Variants in RARB observed in about 807,000 individuals in gnomAD.
RARB encodes retinoic acid receptor beta.
RARB carries 17 observed loss-of-function variants against 51.9 expected under a neutral mutation model. That is an observed-to-expected ratio of 0.33 (90% CI 0.22 to 0.49). The LOEUF (loss-of-function observed/expected upper bound fraction) is 0.49, where lower values mean the gene tolerates loss of function less well. Ranked by LOEUF, RARB falls within the 20% of genes least tolerant of loss-of-function variation. The probability of loss-of-function intolerance (pLI) is 0.99; values close to 1 mark genes in which losing one functional copy is unlikely to be tolerated. For synonymous variants in RARB, 215 were observed against 195.4 expected (o/e 1.10, Z -0.84); for missense variants, 369 against 550.8 (o/e 0.67, Z 3.30).
chr3:25,171,485 T>TAA (rs10559921), intron 4 of RARB, among the ~76,000 whole-genome samples: 3 of 9,974 alleles, frequency 3.0e-4, no homozygotes, highest in African/African-American at 1.5e-3. Flanking sequence ...ATAAGCAGTT[T>TAA]AAAAAAAAAA....
chr3:24,859,334 C>T (rs1702697534), intron 2 of RARB, among the ~76,000 whole-genome samples: 1 of 152,030 alleles, frequency 6.6e-6, no homozygotes, highest in East Asian at 1.9e-4. Flanking sequence ...GGAATGGATT[C>T]AGGGGGTGGA....
chr3:24,870,129 C>T (rs777181576), intron 2 of RARB, among the ~76,000 whole-genome samples: 20 of 152,098 alleles, frequency 1.3e-4, no homozygotes, highest in Non-Finnish European at 2.6e-4. Flanking sequence ...ACTTGTGTTG[C>T]AAATATCTTC....
At chr3:25,398,414 A>T (rs1305372323) in intron 5 of RARB, among the ~76,000 whole-genome samples, 2 of 152,236 alleles carry the variant, frequency 1.3e-5, no homozygotes. Context: ...ATCAGCTTTC[A>T]CAAAGATAGA....
intron 2 of RARB, among the ~76,000 whole-genome samples, chr3:24,926,999 A>G (rs893726311): frequency 6.6e-6 from 1 of 152,138 alleles, no homozygotes; most frequent in African/African-American, 2.4e-5. Context: ...TAGAGTACAC[A>G]TAAGACTCTC....
chr3:24,931,372 A>G (rs1202841276), intron 2 of RARB, among the ~76,000 whole-genome samples: 5 of 151,936 alleles, frequency 3.3e-5, no homozygotes, highest in African/African-American at 4.8e-5. Context: ...ATTTGGCCCT[A>G]TTTCCTACCT....
chr3:25,189,634 C>T (rs1345318436), intron 5 of RARB, among the ~76,000 whole-genome samples: 2 of 152,120 alleles, frequency 1.3e-5, no homozygotes, highest in African/African-American at 4.8e-5. Flanking sequence ...TACCTGTAAT[C>T]CCAGCACTTT....
chr3:25,086,019 C>T (rs1053703054), intron 3 of RARB, among the ~76,000 whole-genome samples: 4 of 152,136 alleles, frequency 2.6e-5, no homozygotes, highest in African/African-American at 7.2e-5. Flanking sequence ...TTACATCTTA[C>T]GGCTTTGCCA....
intron 2 of RARB, among the ~76,000 whole-genome samples, chr3:24,860,958 A>C (rs79560263): frequency 1.3e-5 from 2 of 152,192 alleles, no homozygotes; most frequent in Non-Finnish European, 2.9e-5. Flanking sequence ...CTAGGTTCGT[A>C]TATTTTGTGA....
At chr3:25,144,889 C>T (rs1051015060) in intron 4 of RARB, among the ~76,000 whole-genome samples, 1 of 152,198 alleles carries the variant, frequency 6.6e-6, no homozygotes, top group East Asian at 1.9e-4. Context: ...ATGGCAGACT[C>T]TTGCCACCTT....
chr3:25,137,337 G>C (rs1700045120), intron 4 of RARB, among the ~76,000 whole-genome samples: 1 of 151,976 alleles, frequency 6.6e-6, no homozygotes, highest in Admixed American at 6.6e-5. Flanking sequence ...TCATTTCAAT[G>C]GTGAAATGCA....
At chr3:25,108,567 C>T (rs890231315) in intron 3 of RARB, among the ~76,000 whole-genome samples, 7 of 152,024 alleles carry the variant, frequency 4.6e-5, no homozygotes, top group African/African-American at 9.7e-5. Context: ...AGGACTCAGT[C>T]GCGTGGTCAC....
At chr3:25,407,722 G>T (rs913307465) in intron 5 of RARB, among the ~76,000 whole-genome samples, 10 of 150,010 alleles carry the variant, frequency 6.7e-5, no homozygotes, top group African/African-American at 2.5e-4. Flanking sequence ...GCCAAAGGCT[G>T]CTTACTGTGA....
chr3:25,577,206 G>A (rs775708157), intron 4 of RARB, among the ~76,000 whole-genome samples: 1 of 152,158 alleles, frequency 6.6e-6, no homozygotes, highest in Non-Finnish European at 1.5e-5. Context: ...CCTCCGGTTC[G>A]CCCGCGGGAT....
At chr3:25,093,217 A>C (rs1026655251) in intron 3 of RARB, among the ~76,000 whole-genome samples, 3 of 152,178 alleles carry the variant, frequency 2.0e-5, no homozygotes, top group Non-Finnish European at 4.4e-5. Context: ...GCATTATATA[A>C]AGCTGTCTGA....
At chr3:25,150,073 G>C (rs1465052429) in intron 4 of RARB, among the ~76,000 whole-genome samples, 2 of 151,828 alleles carry the variant, frequency 1.3e-5, no homozygotes, top group African/African-American at 4.8e-5. Context: ...ATGGTGGTGG[G>C]CACCTGTAAT....
intron 5 of RARB, among the ~76,000 whole-genome samples, chr3:25,332,009 G>A (rs542103152): frequency 1.3e-5 from 2 of 152,154 alleles, no homozygotes; most frequent in East Asian, 3.9e-4. Flanking sequence ...CCAATAACAG[G>A]GTCTGAAATT....
chr3:25,153,883 T>A (rs1575184909), intron 4 of RARB, among the ~76,000 whole-genome samples: 1 of 152,198 alleles, frequency 6.6e-6, no homozygotes, highest in Non-Finnish European at 1.5e-5. Context: ...CACAATATTC[T>A]CAATGAGGGC....
chr3:25,102,207 A>G (rs1170345033), intron 3 of RARB, among the ~76,000 whole-genome samples: 2 of 152,188 alleles, frequency 1.3e-5, no homozygotes, highest in African/African-American at 4.8e-5. Context: ...AAGATGGCAG[A>G]TATCCCCACA....
intron 5 of RARB, among the ~76,000 whole-genome samples, chr3:25,591,667 T>C (rs547185018): frequency 6.6e-6 from 1 of 152,318 alleles, no homozygotes; most frequent in Non-Finnish European, 1.5e-5. Context: ...TGGTAGGTGA[T>C]CAATAAAACA....
Sources: allele counts gnomAD v4.1 joint callset (sites outside exome capture counted in the v4.1 genomes callset), GRCh38; gene constraint gnomAD v4.1.1; transcripts MANE v1.5; gene names NCBI Gene and HGNC (gene_info 2026-07-23, HGNC 2026-07-21).